Variants in CEP63 observed in about 807,000 individuals in gnomAD.
CEP63 encodes centrosomal protein 63.
A neutral mutation model predicts 89.1 loss-of-function variants in CEP63; 84 were observed. The ratio of observed to expected loss-of-function variants is 0.94; its 90% CI spans 0.79 to 1.13. The LOEUF (loss-of-function observed/expected upper bound fraction) is 1.13, where lower values mean the gene tolerates loss of function less well. Among genes scored for constraint, CEP63 ranks in the 50% most tolerant of loss-of-function variants. The pLI is 0.00. For missense variants in CEP63, 838 were observed against 813.3 expected (o/e 1.03, Z -0.37); for synonymous variants, 267 against 272.5 (o/e 0.98, Z 0.20).
the CEP63 span, among the ~76,000 whole-genome samples, chr3:134,669,457 C>T: frequency 6.6e-6 from 1 of 152,182 alleles, no homozygotes; most frequent in South Asian, 2.1e-4. Context: ...TCTGGCAGTG[C>T]AGTAATGAGG....
At chr3:134,488,311 C>G (rs1936363156) in intron 1 of CEP63, among the ~76,000 whole-genome samples, 1 of 152,118 alleles carries the variant, frequency 6.6e-6, no homozygotes, top group Non-Finnish European at 1.5e-5. Flanking sequence ...GTGTATTATT[C>G]ATATTACTGA....
chr3:134,511,106 AT>A (rs1235431260), intron 3 of CEP63: 1 of 167,462 alleles, frequency 6.0e-6, no homozygotes, highest in African/African-American at 2.4e-5. Flanking sequence ...CTCAGCTTTA[AT>A]TGTTGGCACC....
intron 6 of CEP63, 132 bp downstream of exon 6, chr3:134,537,400 G>C: frequency 1.5e-6 from 1 of 682,264 alleles, no homozygotes; most frequent in Non-Finnish European, 2.7e-6. Context: ...TCTTGTTTAG[G>C]AAGCCTCTCC....
intron 1 of CEP63, among the ~76,000 whole-genome samples, chr3:134,491,203 G>T (rs1401486615): frequency 6.6e-6 from 1 of 152,148 alleles, no homozygotes; most frequent in Non-Finnish European, 1.5e-5. Flanking sequence ...GTATATGAGT[G>T]CCTGTTGTCC....
At chr3:134,617,938 G>A in the CEP63 span, among the ~76,000 whole-genome samples, 1 of 152,172 alleles carries the variant, frequency 6.6e-6, no homozygotes, top group African/African-American at 2.4e-5. Context: ...AGCCTGGACA[G>A]AGAGGCCAGT....
intron 2 of CEP63, among the ~76,000 whole-genome samples, chr3:134,496,431 A>AGGG (rs58740020): frequency 1.3e-4 from 19 of 145,464 alleles, no homozygotes; most frequent in East Asian, 4.0e-4. Context: ...TAGAAAAAAA[A>AGGG]GGGGGGGGGG....
chr3:134,744,873 C>G, the CEP63 span, among the ~76,000 whole-genome samples: 27 of 152,274 alleles, frequency 1.8e-4, no homozygotes, highest in Admixed American at 1.6e-3. Context: ...ACACTATCTT[C>G]TATTACCTGG....
At chr3:134,717,524 T>C in the CEP63 span, among the ~76,000 whole-genome samples, 5 of 152,326 alleles carry the variant, frequency 3.3e-5, no homozygotes, top group East Asian at 9.6e-4. Flanking sequence ...TAATGCTGTG[T>C]TGGAGCCTCA....
chr3:134,660,052 G>A, the CEP63 span, among the ~76,000 whole-genome samples: 2 of 152,256 alleles, frequency 1.3e-5, no homozygotes, highest in African/African-American at 4.8e-5. Context: ...TGAAATGAGG[G>A]GATGAGGGGG....
the CEP63 span, among the ~76,000 whole-genome samples, chr3:134,754,081 G>A: frequency 1.3e-5 from 2 of 152,174 alleles, no homozygotes; most frequent in African/African-American, 4.8e-5. Context: ...ATGATGAAAT[G>A]GCATCCCTGA....
chr3:134,702,629 C>A, the CEP63 span, among the ~76,000 whole-genome samples: 6 of 151,812 alleles, frequency 4.0e-5, no homozygotes, highest in African/African-American at 1.5e-4. Flanking sequence ...AAAAAATTTA[C>A]AAGAAAAAAA....
At chr3:134,668,918 T>C in the CEP63 span, among the ~76,000 whole-genome samples, 3 of 152,174 alleles carry the variant, frequency 2.0e-5, no homozygotes, top group East Asian at 5.8e-4. Context: ...GTCTTATATT[T>C]CAGAGACCCT....
chr3:134,772,791 C>T, the CEP63 span, among the ~76,000 whole-genome samples: 1 of 152,138 alleles, frequency 6.6e-6, no homozygotes, highest in Non-Finnish European at 1.5e-5. Context: ...TTGACTGCTC[C>T]CAAGAGGAAG....
intron 6 of CEP63, among the ~76,000 whole-genome samples, chr3:134,543,517 A>G (rs1397003373): frequency 6.6e-6 from 1 of 152,254 alleles, no homozygotes; most frequent in Non-Finnish European, 1.5e-5. Context: ...AGTATTTAGC[A>G]AATCTAGACT....
At chr3:134,512,034 C>T (rs1945093888) in intron 3 of CEP63, among the ~76,000 whole-genome samples, 1 of 152,202 alleles carries the variant, frequency 6.6e-6, no homozygotes, top group Admixed American at 6.5e-5. Flanking sequence ...GAGAGCAAAA[C>T]CCCTCATCTT....
intron 3 of CEP63, chr3:134,510,985 T>TG (rs397738458): frequency 6.2e-6 from 1 of 162,318 alleles, no homozygotes; most frequent in Non-Finnish European, 1.3e-5. Flanking sequence ...TTTTTTTTTT[T>TG]GTAATGATTT....
At chr3:134,594,316 T>C in the CEP63 span, among the ~76,000 whole-genome samples, 6 of 152,178 alleles carry the variant, frequency 3.9e-5, no homozygotes, top group African/African-American at 1.2e-4. Context: ...TCTGCCCTCA[T>C]GCCACCAGCC....
the CEP63 span, among the ~76,000 whole-genome samples, chr3:134,653,489 G>C: frequency 2.6e-5 from 4 of 152,130 alleles, no homozygotes; most frequent in African/African-American, 9.7e-5. Flanking sequence ...CTAGCTTCTG[G>C]GGCCTGCCAG....
the CEP63 span, among the ~76,000 whole-genome samples, chr3:134,713,603 G>C: frequency 6.6e-6 from 1 of 152,148 alleles, no homozygotes; most frequent in Admixed American, 6.5e-5. Context: ...CTCTACCTGG[G>C]GGATCCCTTC....
Sources: allele counts gnomAD v4.1 joint callset (sites outside exome capture counted in the v4.1 genomes callset), GRCh38; gene constraint gnomAD v4.1.1; transcripts MANE v1.5; gene names NCBI Gene and HGNC (gene_info 2026-07-23, HGNC 2026-07-21).